The following FRMPD3 variants were observed in gnomAD, a reference collection of about 807,000 sequenced individuals.
FRMPD3 encodes the protein FERM and PDZ domain containing 3, also known as FERM and PDZ domain-containing protein 3.
FRMPD3 carries 42 observed loss-of-function variants against 97.9 expected under a neutral mutation model. That is an observed-to-expected ratio of 0.43 (90% CI 0.34 to 0.55). The LOEUF is 0.55. FRMPD3 is among the 20% of genes least tolerant of loss of function. FRMPD3 has a pLI of 0.03. For missense variants in FRMPD3, 1,303 were observed against 1,457.7 expected (o/e 0.89, Z 1.73); for synonymous variants, 577 against 581.1 (o/e 0.99, Z 0.10).
At chrX:107,589,838 G>T (rs1161480710) in intron 13 of FRMPD3, among the ~76,000 whole-genome samples, 8 of 112,514 alleles carry the variant, frequency 7.1e-5, no homozygotes, top group Non-Finnish European at 1.3e-4. Flanking sequence ...TTTTCAGGTT[G>T]TTCATTGCTA....
chrX:107,458,645 G>T (rs773132892), intron 1 of FRMPD3, among the ~76,000 whole-genome samples: 1 of 111,852 alleles, frequency 8.9e-6, no homozygotes, highest in African/African-American at 3.2e-5. Flanking sequence ...GGGAAAAAAT[G>T]ATTGGCTGGG....
At chrX:107,520,497 AAC>A (rs1556192920) in intron 1 of FRMPD3, among the ~76,000 whole-genome samples, 1 of 109,718 alleles carries the variant, frequency 9.1e-6, no homozygotes, top group African/African-American at 3.3e-5. Context: ...AAAAAAAAAA[AAC>A]ACACACAAAA....
In FRMPD3 at chrX:107,603,765, C is replaced by T. The variant is rs1276574039; in HGVS notation, c.*392C>T. The stretch of plus-strand genomic sequence containing the variant: ...GCGGACCCTCAGGCTTTGAGCTCCT[C>T]GTGGCATCGGCTCCCCTGCTGGGAG... On this transcript the variant is annotated 3_prime_UTR_variant, in exon 15 of 15. Coordinates refer to ENST00000683843, the MANE Select transcript of FRMPD3 (RefSeq NM_001388459.1). The T allele has an allele frequency of 3.6e-5, 5 of 138,076 alleles. No homozygotes were observed. Among genetic ancestry groups the T allele is most frequent in the East Asian group, 2.0e-4 (1 of 5,016 alleles). 11.4% of individuals were successfully genotyped at this position (138,076 alleles called of 1,213,427 possible). A position where few individuals can be genotyped will look rare whatever the true frequency, so the allele number is the denominator to read the frequency against.
At chrX:107,475,770 G>A (rs1921182727) in intron 1 of FRMPD3, among the ~76,000 whole-genome samples, 1 of 112,594 alleles carries the variant, frequency 8.9e-6, no homozygotes, top group South Asian at 3.7e-4. Flanking sequence ...GGAGTCAGAG[G>A]ATGTGGGTTC....
intron 1 of FRMPD3, among the ~76,000 whole-genome samples, chrX:107,476,799 C>A (rs754490145): frequency 4.4e-5 from 5 of 112,662 alleles, no homozygotes; most frequent in Admixed American, 9.4e-5. Context: ...AGATACCTTA[C>A]AGATGAAGAA....
intron 1 of FRMPD3, among the ~76,000 whole-genome samples, chrX:107,457,223 GT>G (rs1292610692): frequency 1.0e-4 from 11 of 106,197 alleles, no homozygotes; most frequent in Middle Eastern, 9.7e-3. Context: ...CATCTGCTCT[GT>G]TTTTTTTTTC....
chrX:107,516,186 C>A (rs1387215581), intron 1 of FRMPD3, among the ~76,000 whole-genome samples: 1 of 109,679 alleles, frequency 9.1e-6, no homozygotes, highest in Non-Finnish European at 1.9e-5. Context: ...TCATCCATGT[C>A]CCTACAAAGG....
intron 8 of FRMPD3, among the ~76,000 whole-genome samples, chrX:107,556,472 G>C (rs1047634797): frequency 9.0e-6 from 1 of 111,191 alleles, no homozygotes; most frequent in Non-Finnish European, 1.9e-5. Flanking sequence ...GCTTTATTGA[G>C]GTCTAACTGA....
intron 1 of FRMPD3, among the ~76,000 whole-genome samples, chrX:107,523,320 C>T (rs1922573624): frequency 8.9e-6 from 1 of 111,775 alleles, no homozygotes; most frequent in East Asian, 2.8e-4. Context: ...GCAGTTAGTC[C>T]AGCTCAGTTA....
intron 4 of FRMPD3, among the ~76,000 whole-genome samples, chrX:107,534,895 A>T (rs1057040261): frequency 8.9e-6 from 1 of 112,474 alleles, no homozygotes; most frequent in African/African-American, 3.2e-5. Context: ...CCAGGCAGAT[A>T]GGCCTTTCTC....
Position 107,597,743 on chromosome X carries a change from C to A in FRMPD3, c.1864C>A (p.Gln622Lys), listed in dbSNP as rs1210710769. 46 of 1,198,265 alleles carry A rather than the reference C, an allele frequency of 3.8e-5. No individual in the cohort carries two copies. Among genetic ancestry groups the A allele is most frequent in the Non-Finnish European group, 4.9e-5 (44 of 889,666 alleles). Reference protein sequence around the residue: ...CDSCKAKLQEQLGPRKGGKPG... With the variant: ...CDSCKAKLQEKLGPRKGGKPG... ...CTCTTGCAAAGCCAAACTTCAGGAG[C>A]AGCTGGGCCCTCGCAAAGGTGGGAA... The change falls in exon 14 of 15, where the codon CAG becomes AAG. Residue 622 changes from glutamine to lysine, a missense_variant. Around this residue, in one of 3 missense-constraint regions of FRMPD3, gnomAD observed 535 missense variants for 618.6 expected, o/e 0.86. Coordinates refer to ENST00000683843, the MANE Select transcript of FRMPD3 (RefSeq NM_001388459.1).
chrX:107,533,293 A>T (rs748308769), intron 3 of FRMPD3, among the ~76,000 whole-genome samples: 1 of 111,926 alleles, frequency 8.9e-6, no homozygotes, highest in Non-Finnish European at 1.9e-5. Flanking sequence ...TGATTATACC[A>T]TCTTCGGATA....
rs777019254 is a variant in FRMPD3 at position 107,603,211 on chromosome X, G to GCAGCAGCAGCAACAACAA, written c.5202_5219dup (p.Gln1738_Gln1743dup). 1.6e-5 allele frequency: 18 copies of GCAGCAGCAGCAACAACAA among 1,160,665 alleles called. No individual in the cohort carries two copies. Among genetic ancestry groups the GCAGCAGCAGCAACAACAA allele is most frequent in the African/African-American group, 5.6e-5 (3 of 53,976 alleles). ...ACCAGCAGCAGCAGCAACAACAACA[G>GCAGCAGCAGCAACAACAA]CAGCAGCAGCAACAACAACAGCAGC... On this transcript the variant is annotated inframe_insertion, in exon 15 of 15. Coordinates refer to ENST00000683843, the MANE Select transcript of FRMPD3 (RefSeq NM_001388459.1).
At chrX:107,450,295 G>A (rs1295076832) in intron 1 of FRMPD3, among the ~76,000 whole-genome samples, 1 of 111,157 alleles carries the variant, frequency 9.0e-6, no homozygotes, top group Non-Finnish European at 1.9e-5. Flanking sequence ...AGTGCAGCGC[G>A]TTCATTATGG....
At chrX:107,451,308 G>A (rs1931285890) in intron 1 of FRMPD3, among the ~76,000 whole-genome samples, 1 of 112,440 alleles carries the variant, frequency 8.9e-6, no homozygotes, top group Non-Finnish European at 1.9e-5. Flanking sequence ...CCTTGGGGGC[G>A]CCCTTCTCGA....
intron 4 of FRMPD3, among the ~76,000 whole-genome samples, chrX:107,540,399 A>G (rs1167266366): frequency 8.9e-6 from 1 of 112,278 alleles, no homozygotes; most frequent in Non-Finnish European, 1.9e-5. Flanking sequence ...ATCTTGTTCT[A>G]AAATATTTGG....
rs1343058990 is a variant in FRMPD3, at chrX:107,602,783, G to A, written c.4744G>A (p.Ala1582Thr). Residue 1582 changes from alanine to threonine, a missense_variant, in exon 15 of 15, where the codon GCC (alanine) becomes ACC (threonine). This residue lies in a region of FRMPD3 where 764 missense variants were observed against 820.2 expected (regional missense o/e 0.93). Transcript: ENST00000683843. The stretch of plus-strand genomic sequence containing the variant: ...CCTGGCCAAGATCAATGCCCTGCGG[G>A]CCCATGCCTATGGCCTCCCTGATGG... Reference protein sequence around the residue: ...GSLAKINALRAHAYGLPDGFL... With the variant: ...GSLAKINALRTHAYGLPDGFL... 2 of 1,208,912 alleles carry A rather than the reference G, an allele frequency of 1.7e-6. No individual in the cohort carries two copies. The highest frequency in any genetic ancestry group is 3.0e-5 in the East Asian group (1 of 33,756).
At chrX:107,559,221 G>A (rs1242083176) in intron 8 of FRMPD3, among the ~76,000 whole-genome samples, 1 of 109,478 alleles carries the variant, frequency 9.1e-6, no homozygotes, top group South Asian at 3.9e-4. Flanking sequence ...ACCAGTCTCC[G>A]CCTCCCAAAG....
At chrX:107,505,069 T>G (rs1167873709) in intron 1 of FRMPD3, among the ~76,000 whole-genome samples, 1 of 112,178 alleles carries the variant, frequency 8.9e-6, no homozygotes, top group Non-Finnish European at 1.9e-5. Context: ...TTTAGTGCAA[T>G]CAATTTGGGA....
Sources: gnomAD v4.1 joint callset for allele counts (sites outside exome capture counted in the v4.1 genomes callset) on GRCh38, gnomAD v4.1.1 for gene constraint, gnomAD v4.1.1 regional missense constraint, MANE v1.5 for transcripts, NCBI Gene and HGNC (gene_info 2026-07-23, HGNC 2026-07-21) for gene names.